The following SLC38A11 variants were observed in gnomAD, a reference collection of about 807,000 sequenced individuals.
SLC38A11 encodes putative sodium-coupled neutral amino acid transporter 11.
A neutral mutation model predicts 49.4 loss-of-function variants in SLC38A11; 51 were observed. The ratio of observed to expected loss-of-function variants is 1.03; its 90% CI spans 0.83 to 1.30. SLC38A11 has a LOEUF of 1.30. Ranked by LOEUF, SLC38A11 falls within the 50% of genes most tolerant of loss-of-function variation. The probability of loss-of-function intolerance (pLI) is 0.00; values close to 1 mark genes in which losing one functional copy is unlikely to be tolerated. For synonymous variants in SLC38A11, 203 were observed against 192.9 expected (o/e 1.05, Z -0.43); for missense variants, 574 against 556.2 (o/e 1.03, Z -0.32).
intron 9 of SLC38A11, among the ~76,000 whole-genome samples, chr2:164,914,814 A>G (rs1685656248): frequency 6.6e-6 from 1 of 152,060 alleles, no homozygotes; most frequent in Admixed American, 6.6e-5. Flanking sequence ...TGCTCTGAAG[A>G]TTGGGAGGCC....
chr2:164,943,610 A>G (rs543164642), intron 5 of SLC38A11, among the ~76,000 whole-genome samples: 2 of 152,294 alleles, frequency 1.3e-5, no homozygotes, highest in East Asian at 3.9e-4. Flanking sequence ...GGATTTGACT[A>G]CAAAGGGAAA....
intron 10 of SLC38A11, 29 bp downstream of exon 10, chr2:164,911,607 G>T (rs769366216): frequency 5.1e-6 from 6 of 1,186,632 alleles, no homozygotes; most frequent in Non-Finnish European, 7.2e-6. Context: ...GATCACCTGG[G>T]TAAAGCGTTG....
At chr2:164,941,339 C>A (rs1318627875) in intron 5 of SLC38A11, among the ~76,000 whole-genome samples, 1 of 152,014 alleles carries the variant, frequency 6.6e-6, no homozygotes, top group Non-Finnish European at 1.5e-5. Context: ...AAAGTATAAG[C>A]AATTGTCTAC....
At chr2:164,914,037 C>A (rs1036902715) in intron 9 of SLC38A11, among the ~76,000 whole-genome samples, 1 of 151,970 alleles carries the variant, frequency 6.6e-6, no homozygotes, top group African/African-American at 2.4e-5. Context: ...AAAGGGACAA[C>A]TTTCAGAGGG....
intron 7 of SLC38A11, among the ~76,000 whole-genome samples, chr2:164,934,005 G>GA (rs1687187356): frequency 6.6e-6 from 1 of 152,104 alleles, no homozygotes; most frequent in Non-Finnish European, 1.5e-5. Flanking sequence ...CTAGAGGAAG[G>GA]TCAGACAGAT....
At chr2:164,938,399 T>C (rs1248760948) in intron 6 of SLC38A11, among the ~76,000 whole-genome samples, 1 of 152,170 alleles carries the variant, frequency 6.6e-6, no homozygotes, top group East Asian at 1.9e-4. Context: ...TATCTCAATA[T>C]GACACTTTTA....
chr2:164,937,103 T>C (rs1687424783), intron 7 of SLC38A11, among the ~76,000 whole-genome samples: 1 of 152,188 alleles, frequency 6.6e-6, no homozygotes, highest in Non-Finnish European at 1.5e-5. Context: ...TTCTAATTCT[T>C]TCTTACTCTA....
intron 9 of SLC38A11, among the ~76,000 whole-genome samples, chr2:164,914,533 T>A (rs1244005266): frequency 6.6e-6 from 1 of 151,626 alleles, no homozygotes; most frequent in Non-Finnish European, 1.5e-5. Context: ...TGGGTTAGAA[T>A]TAAAACAATG....
At chr2:164,914,552 G>C (rs1233319929) in intron 9 of SLC38A11, among the ~76,000 whole-genome samples, 2 of 151,742 alleles carry the variant, frequency 1.3e-5, no homozygotes, top group African/African-American at 4.8e-5. Context: ...TGAAAGTACC[G>C]GGAAATTTTT....
chr2:164,934,993 C>T (rs1376070704), intron 7 of SLC38A11, among the ~76,000 whole-genome samples: 1 of 151,766 alleles, frequency 6.6e-6, no homozygotes, highest in Admixed American at 6.6e-5. Flanking sequence ...AGACTCATAC[C>T]CTCTATGTAT....
intron 5 of SLC38A11, among the ~76,000 whole-genome samples, chr2:164,942,979 G>A (rs1377803338): frequency 2.0e-5 from 3 of 152,176 alleles, no homozygotes; most frequent in East Asian, 1.9e-4. Context: ...ATGTCTCCGT[G>A]ATCTCAAGTT....
chr2:164,914,380 C>CA (rs1460910483), intron 9 of SLC38A11, among the ~76,000 whole-genome samples: 2 of 151,110 alleles, frequency 1.3e-5, no homozygotes, highest in African/African-American at 2.4e-5. Context: ...TGGGTGAATG[C>CA]AAAAAAAGAG....
rs1688732029 is a variant in SLC38A11, at chr2:164,954,652, T to G, written c.133A>C (p.Ile45Leu). 1 of 1,530,838 alleles carries G rather than the reference T, an allele frequency of 6.5e-7. No individual in the cohort carries two copies. The highest frequency in any genetic ancestry group is 1.4e-5 in the African/African-American group (1 of 72,710). 94.8% of individuals were successfully genotyped at this position (1,530,838 alleles called of 1,614,324 possible). A position where few individuals can be genotyped will look rare whatever the true frequency, so the allele number is the denominator to read the frequency against. The change falls in exon 2 of 12, where the codon ATT becomes CTT. Residue 45 changes from isoleucine to leucine, a missense_variant. By Grantham distance (5) the Ile-to-Leu change is conservative. Coordinates refer to ENST00000685975, the MANE Select transcript of SLC38A11 (RefSeq NM_001351537.2). ...TTACCTATTATACCAGATCCTATAA[T>G]CGAGTTGACAACATTAAAAAGAGCA... ...SAALFNVVNS[I>L]IGSGIIGLPY...
At chr2:164,942,360 G>A (rs570371453) in intron 5 of SLC38A11, among the ~76,000 whole-genome samples, 8 of 150,578 alleles carry the variant, frequency 5.3e-5, no homozygotes, top group Admixed American at 1.3e-4. Flanking sequence ...ACCTGAGCCC[G>A]GGAGGTCAGG....
chr2:164,953,494 G>A (rs1003327416), intron 2 of SLC38A11, among the ~76,000 whole-genome samples: 2 of 152,164 alleles, frequency 1.3e-5, no homozygotes, highest in Non-Finnish European at 2.9e-5. Context: ...AACTTAACAC[G>A]TTCACATCAG....
chr2:164,946,237 G>A (rs1421469340), intron 3 of SLC38A11, among the ~76,000 whole-genome samples: 1 of 108,350 alleles, frequency 9.2e-6, no homozygotes, highest in Non-Finnish European at 2.1e-5. Context: ...AGTTATTATG[G>A]TTAAGAAAGA....
chr2:164,955,355 C>A lies in SLC38A11; in HGVS notation c.-108G>T, dbSNP rs117266891. 2.5e-3 allele frequency: 2,844 copies of A among 1,119,028 alleles called. 116 individuals carry two copies. In the East Asian group the frequency reaches 0.065, roughly 26 times the overall value. The allele number at this position is 1,119,028 out of a possible 1,614,324, so 69.3% of individuals were successfully genotyped here. A position where few individuals can be genotyped will look rare whatever the true frequency, so the allele number is the denominator to read the frequency against. On this transcript the variant is annotated 5_prime_UTR_variant, in exon 1 of 12. Coordinates refer to ENST00000685975, the MANE Select transcript of SLC38A11 (RefSeq NM_001351537.2). ...CACACAGCCGAGGTCCGCGTGTAGC[C>A]GCAGAGCTGCAGGGAGCCAGTTCCA...
chr2:164,902,751 G>T (rs1684742711), intron 11 of SLC38A11, among the ~76,000 whole-genome samples: 1 of 152,072 alleles, frequency 6.6e-6, no homozygotes, highest in Non-Finnish European at 1.5e-5. Context: ...GAAATATTAT[G>T]ACTATGATCC....
chr2:164,949,973 AGGCTG>A (rs1425470555), intron 3 of SLC38A11: 3 of 152,228 alleles, frequency 2.0e-5, no homozygotes, highest in African/African-American at 7.2e-5. Flanking sequence ...TATAGAGTTC[AGGCTG>A]AAGTTTTATA....
Sources: gnomAD v4.1 joint callset for allele counts (sites outside exome capture counted in the v4.1 genomes callset) on GRCh38, gnomAD v4.1.1 for gene constraint, MANE v1.5 for transcripts, NCBI Gene and HGNC (gene_info 2026-07-23, HGNC 2026-07-21) for gene names.